Variants in ADGRB3 observed in about 807,000 individuals in gnomAD.
ADGRB3 encodes brain-specific angiogenesis inhibitor 3.
Under a neutral mutation model 193.4 loss-of-function variants are expected in ADGRB3, and 37 were observed. The ratio of observed to expected loss-of-function variants is 0.19; its 90% CI spans 0.15 to 0.25. ADGRB3 has a LOEUF of 0.25. Among genes scored for constraint, ADGRB3 ranks in the 10% least tolerant of loss-of-function variants. The pLI, the probability that ADGRB3 is intolerant of heterozygous loss-of-function variation, is 1.00. For missense variants in ADGRB3, 1,637 were observed against 1,852.9 expected, an observed-to-expected ratio of 0.88 and a Z score of 2.14; for synonymous variants, 690 against 644.2, an observed-to-expected ratio of 1.07 and a Z score of -1.08.
intron 3 of ADGRB3, among the ~76,000 whole-genome samples, chr6:68,927,099 A>G (rs1159220669): frequency 6.6e-6 from 1 of 152,140 alleles, no homozygotes; most frequent in Non-Finnish European, 1.5e-5. Flanking sequence ...CCACCACTTC[A>G]TTGATAACAT....
At chr6:68,860,589 G>A (rs1474740873) in intron 3 of ADGRB3, among the ~76,000 whole-genome samples, 1 of 152,184 alleles carries the variant, frequency 6.6e-6, no homozygotes, top group Non-Finnish European at 1.5e-5. Flanking sequence ...TGGCTACATA[G>A]TATTCCATGG....
intron 17 of ADGRB3, among the ~76,000 whole-genome samples, chr6:69,141,384 A>T (rs956709104): frequency 6.6e-6 from 1 of 152,058 alleles, no homozygotes; most frequent in African/African-American, 2.4e-5. Context: ...CGGCCTCCCA[A>T]AGTGCTGGGA....
At chr6:68,652,064 C>T (rs536056447) in intron 3 of ADGRB3, among the ~76,000 whole-genome samples, 1 of 152,164 alleles carries the variant, frequency 6.6e-6, no homozygotes, top group South Asian at 2.1e-4. Context: ...TGCTCTTCCC[C>T]ACACAACCCA....
intron 10 of ADGRB3, among the ~76,000 whole-genome samples, chr6:68,992,913 T>A (rs1289662663): frequency 6.6e-6 from 1 of 152,148 alleles, no homozygotes; most frequent in Non-Finnish European, 1.5e-5. Flanking sequence ...TATTTCATTT[T>A]TTTTTAGTTA....
In ADGRB3 at chr6:69,026,805, C is replaced by T. The variant is rs143037013; in HGVS notation, c.2107+8306C>T. On this transcript the variant is annotated intron_variant, in intron 13 of 31. Transcript: ENST00000370598. ...AAGGGTAAATACTTGTGTGCCTAAA[C>T]GTAGATAAGCTGTAGTACAAATTTG... Among the ~76,000 whole-genome samples the T allele has an allele frequency of 8.5e-3, 1,292 of 152,126 alleles. 22 individuals carry two copies. Among genetic ancestry groups the T allele is most frequent in the African/African-American group, 0.03 (1,227 of 41,488 alleles).
chr6:69,357,615 T>C (rs1355437978), intron 28 of ADGRB3, among the ~76,000 whole-genome samples: 1 of 152,000 alleles, frequency 6.6e-6, no homozygotes, highest in East Asian at 1.9e-4. Flanking sequence ...CCATTAAACA[T>C]CTGTACAGAA....
chr6:68,884,507 A>G (rs761682334), intron 3 of ADGRB3, among the ~76,000 whole-genome samples: 2 of 152,198 alleles, frequency 1.3e-5, no homozygotes, highest in Non-Finnish European at 2.9e-5. Flanking sequence ...AGCATAAGTT[A>G]GTATTTCAGG....
chr6:68,854,872 G>T (rs886405726), intron 3 of ADGRB3, among the ~76,000 whole-genome samples: 1 of 152,116 alleles, frequency 6.6e-6, no homozygotes, highest in African/African-American at 2.4e-5. Flanking sequence ...TCCCAGCATT[G>T]CCTTTATCTC....
chr6:68,936,632 G>C lies in ADGRB3; in HGVS notation c.982G>C (p.Gly328Arg). 1 of 1,613,740 alleles carries C rather than the reference G, an allele frequency of 6.2e-7. No individual in the cohort carries two copies. The highest frequency in any genetic ancestry group is 1.3e-5 in the African/African-American group (1 of 75,014). ...ATCACCTTACGGGACACACTGCAGCGGCCCATTAAGAGAATCAAGGGTTTG... is the reference window on the plus strand; with the variant it reads ...ATCACCTTACGGGACACACTGCAGCCGCCCATTAAGAGAATCAAGGGTTTG... ...CVSPYGTHCS[G>R]PLRESRVCNN... The change falls in exon 5 of 32, where the codon GGC (glycine) becomes CGC (arginine). Residue 328 changes from glycine to arginine, a missense_variant. Physicochemically the swap from Gly to Arg is moderately radical, Grantham distance 125. This residue lies in a region of ADGRB3 where 365 missense variants were observed against 409.8 expected (regional missense o/e 0.89). Coordinates refer to ENST00000370598, the MANE Select transcript of ADGRB3 (RefSeq NM_001704.3).
At chr6:68,883,795 T>C (rs62416401) in intron 3 of ADGRB3, among the ~76,000 whole-genome samples, 14,231 of 152,140 alleles carry the variant, frequency 0.094, 879 homozygotes, top group Non-Finnish European at 0.13. Flanking sequence ...CGCCAGGGTC[T>C]GCGGCTTCAT....
intron 20 of ADGRB3, among the ~76,000 whole-genome samples, chr6:69,276,782 T>C (rs1767311668): frequency 2.6e-5 from 4 of 152,104 alleles, no homozygotes. Context: ...AGCATGCTCC[T>C]TTATAGTACA....
intron 26 of ADGRB3, among the ~76,000 whole-genome samples, chr6:69,341,244 C>G (rs1039704373): frequency 3.6e-4 from 55 of 152,250 alleles, no homozygotes; most frequent in African/African-American, 1.1e-3. Context: ...AGTGTAAAAG[C>G]CTTTTTATTT....
intron 17 of ADGRB3, among the ~76,000 whole-genome samples, chr6:69,205,099 C>T (rs548030144): frequency 2.2e-4 from 34 of 152,202 alleles, no homozygotes; most frequent in African/African-American, 8.2e-4. Context: ...CAAACCCAGC[C>T]AGGAATAAGC....
chr6:69,272,595 T>C (rs62408279), intron 20 of ADGRB3, among the ~76,000 whole-genome samples: 11,627 of 152,148 alleles, frequency 0.076, 496 homozygotes, highest in African/African-American at 0.11. Context: ...CCTTAAATGT[T>C]ATAGTAAAAA....
At chr6:69,105,623 A>G (rs531352153) in intron 17 of ADGRB3, among the ~76,000 whole-genome samples, 1 of 152,268 alleles carries the variant, frequency 6.6e-6, no homozygotes, top group South Asian at 2.1e-4. Context: ...TTGCTTCTCA[A>G]TACTATTGCT....
At chr6:69,325,503 A>G (rs1768548264) in intron 21 of ADGRB3, among the ~76,000 whole-genome samples, 1 of 152,164 alleles carries the variant, frequency 6.6e-6, no homozygotes, top group African/African-American at 2.4e-5. Flanking sequence ...CAGCTTGTTG[A>G]CCTGGTCCTC....
At chr6:68,897,485 GGAA>G (rs1766255827) in intron 3 of ADGRB3, among the ~76,000 whole-genome samples, 1 of 100,160 alleles carries the variant, frequency 1.0e-5, no homozygotes, top group Non-Finnish European at 2.0e-5. Context: ...GAGGGATGGA[GGAA>G]GGGAGGGAGG....
At chr6:68,833,036 C>A (rs2127384536) in intron 3 of ADGRB3, among the ~76,000 whole-genome samples, 1 of 152,182 alleles carries the variant, frequency 6.6e-6, no homozygotes, top group East Asian at 1.9e-4. Flanking sequence ...CCATTTAAGA[C>A]AAGGTTGTTG....
At chr6:68,638,576 A>G in intron 2 of ADGRB3, 85 bp from the exon 3 acceptor site, 1 of 1,330,562 alleles carries the variant, frequency 7.5e-7, no homozygotes, top group South Asian at 1.7e-5. Context: ...TCTTGAAAAC[A>G]GCTGGCTGTA....
Sources: gnomAD v4.1 joint callset for allele counts (sites outside exome capture counted in the v4.1 genomes callset) on GRCh38, gnomAD v4.1.1 for gene constraint, gnomAD v4.1.1 regional missense constraint, MANE v1.5 for transcripts, NCBI Gene and HGNC (gene_info 2026-07-23, HGNC 2026-07-21) for gene names.